The following MED25 variants were observed in gnomAD, a reference collection of about 807,000 sequenced individuals.
MED25 encodes mediator of RNA polymerase II transcription subunit 25.
MED25 carries 62 observed loss-of-function variants against 89.4 expected under a neutral mutation model. The observed-to-expected ratio is 0.69, with a 90% confidence interval of 0.57 to 0.86. MED25 has a LOEUF of 0.86. Ranked by LOEUF, MED25 falls within the 40% of genes least tolerant of loss-of-function variation. The probability of loss-of-function intolerance (pLI) is 0.00; values close to 1 mark genes in which losing one functional copy is unlikely to be tolerated. For synonymous variants in MED25, 449 were observed against 427.9 expected (o/e 1.05, Z -0.61); for missense variants, 905 against 1,005.2 (o/e 0.90, Z 1.35).
At chr19:49,819,702 TC>T (rs1409100467) in intron 3 of MED25, 4 of 341,656 alleles carry the variant, frequency 1.2e-5, no homozygotes, top group Admixed American at 4.2e-5. Flanking sequence ...TGTGTGATTG[TC>T]CCCTTTCTGT....
chr19:49,831,831 C>T lies in MED25; in HGVS notation c.1231-105C>T. 1 of 1,079,876 alleles carries T rather than the reference C, an allele frequency of 9.3e-7. No individual in the cohort carries two copies. The allele number at this position is 1,079,876 out of a possible 1,614,324, so 66.9% of individuals were successfully genotyped here. A position where few individuals can be genotyped will look rare whatever the true frequency, so the allele number is the denominator to read the frequency against. Reference sequence around the variant, plus strand: ...GGGCCTGGGGCTCATGGGACTTAAACTGGGGAACATCCTGAGCTTTGGGGC... The same window carrying T: ...GGGCCTGGGGCTCATGGGACTTAAATTGGGGAACATCCTGAGCTTTGGGGC... On this transcript the variant is annotated intron_variant, in intron 10 of 17. Transcript: ENST00000312865. This position sits in a 1 kb window ranked among gnomAD's most constrained non-coding sequence, Gnocchi z 5.0.
chr19:49,837,274 G>GT, downstream of MED25, among the ~76,000 whole-genome samples: 1 of 152,278 alleles, frequency 6.6e-6, no homozygotes. Flanking sequence ...AGAATCAGCC[G>GT]TCAGGCTGGG....
chr19:49,820,195 C>T (rs1016462463), intron 3 of MED25, among the ~76,000 whole-genome samples: 9 of 152,100 alleles, frequency 5.9e-5, no homozygotes, highest in Admixed American at 2.0e-4. Context: ...TGAGTGCACT[C>T]AGGCCCAAGC....
intron 13 of MED25, chr19:49,832,953 T>C: frequency 5.1e-6 from 1 of 196,610 alleles, no homozygotes; most frequent in South Asian, 8.7e-5. Flanking sequence ...CCACATGGCA[T>C]TCTCTCTGTA....
At chr19:49,818,886 C>T in intron 2 of MED25, 1 of 577,674 alleles carries the variant, frequency 1.7e-6, no homozygotes, top group Non-Finnish European at 3.0e-6. Flanking sequence ...GGCTGGGCGT[C>T]TGGACTGCTG....
Position 49,834,418 on chromosome 19 carries a change from TGAC to T in MED25, c.1483-567_1483-565del, listed in dbSNP as rs2074080822. ...AATGCTCCATGTGTTACCCCCCTGA[TGAC>T]CAGTGATGTTTCCTGGGTGCTTCCT... On this transcript the variant is annotated intron_variant, in intron 13 of 17. Transcript: ENST00000312865. This position sits in a 1 kb window ranked among gnomAD's most constrained non-coding sequence, Gnocchi z 4.1. 5.9e-6 allele frequency: 1 copy of T among 170,240 alleles called. No individual in the cohort carries two copies. Among genetic ancestry groups the T allele is most frequent in the Non-Finnish European group, 1.3e-5 (1 of 77,016 alleles). The allele number at this position is 170,240 out of a possible 1,614,324, so 10.5% of individuals were successfully genotyped here.
chr19:49,836,247 C>T lies in MED25; in HGVS notation c.1987C>T (p.Pro663Ser), dbSNP rs1423877702. Residue 663 changes from proline to serine, a missense_variant, in exon 17 of 18, where the codon CCC (proline) becomes TCC (serine). By Grantham distance (74) the Pro-to-Ser change is moderately conservative. This residue lies in a region of MED25 where 271 missense variants were observed against 258.1 expected (regional missense o/e 1.05). Coordinates refer to ENST00000312865, the MANE Select transcript of MED25 (RefSeq NM_030973.4). This position sits in a 1 kb window ranked among gnomAD's most constrained non-coding sequence, Gnocchi z 5.1. ...PPPPQTGVPPPQASLHHLQPP... is the reference protein window; with the variant it reads ...PPPPQTGVPPSQASLHHLQPP... The stretch of plus-strand genomic sequence containing the variant: ...CCAGCCGCAGACTGGGGTGCCCCCA[C>T]CCCAGGCCTCCCTCCACCACCTCCA... 7.4e-6 allele frequency: 12 copies of T among 1,612,262 alleles called. No homozygotes were observed. The highest frequency in any genetic ancestry group is 1.0e-5 in the Non-Finnish European group (12 of 1,179,856).
chr19:49,830,639 G>A lies in MED25; in HGVS notation c.907+41G>A. 6.2e-7 allele frequency: 1 copy of A among 1,612,604 alleles called. No homozygotes were observed. Among genetic ancestry groups the A allele is most frequent in the Non-Finnish European group, 8.5e-7 (1 of 1,178,596 alleles). Reference sequence around the variant, plus strand: ...AGGATGAAGGGCGGGCAGGGGCCAGGCAGGCCTCTCTCCACACACTTGTTC... The same window carrying A: ...AGGATGAAGGGCGGGCAGGGGCCAGACAGGCCTCTCTCCACACACTTGTTC... On this transcript the variant is annotated intron_variant, in intron 8 of 17. Transcript: ENST00000312865. The surrounding 1 kb of genome is among the most constrained non-coding windows in gnomAD (Gnocchi z 4.6).
At position 49,829,910 on chromosome 19, in the gene MED25, C is replaced by T. The variant is rs780195704; in HGVS notation, c.650C>T (p.Pro217Leu). 1.4e-5 allele frequency: 22 copies of T among 1,613,288 alleles called. No individual in the cohort carries two copies. The highest frequency in any genetic ancestry group is 2.2e-5 in the East Asian group (1 of 44,878). The change falls in exon 6 of 18, where the codon CCG becomes CTG. Residue 217 changes from proline to leucine, a missense_variant. Physicochemically the swap from Pro to Leu is moderately conservative, Grantham distance 98. Transcript: ENST00000312865. This position sits in a 1 kb window ranked among gnomAD's most constrained non-coding sequence, Gnocchi z 4.6. ...CCTCCGACAGATGTGAGCCAGGACCCGAGGCACATGGTGCTGGTTCGGGGA... is the reference window on the plus strand; with the variant it reads ...CCTCCGACAGATGTGAGCCAGGACCTGAGGCACATGGTGCTGGTTCGGGGA... ...LQPPTDVSQDPRHMVLVRGLV... is the reference protein window; with the variant it reads ...LQPPTDVSQDLRHMVLVRGLV...
At chr19:49,832,851 G>A (rs890994573) in intron 13 of MED25, 4 of 276,208 alleles carry the variant, frequency 1.4e-5, no homozygotes, top group African/African-American at 8.8e-5. Flanking sequence ...AGGCCTCTTC[G>A]TTGCCTCTTC....
In MED25 at chr19:49,835,239, C is replaced by T. The variant is rs2074087068; in HGVS notation, c.1674+62C>T. On this transcript the variant is annotated intron_variant, in intron 14 of 17. Transcript: ENST00000312865. The surrounding 1 kb of genome is among the most constrained non-coding windows in gnomAD (Gnocchi z 6.2). ...CCCTCCTGCCCGGGCCCCACATGGCCCCCTGGGGTCTCCAGGACCAAGATG... is the reference window on the plus strand; with the variant it reads ...CCCTCCTGCCCGGGCCCCACATGGCTCCCTGGGGTCTCCAGGACCAAGATG... The T allele has an allele frequency of 7.0e-6, 11 of 1,563,532 alleles. No homozygotes were observed. The highest frequency in any genetic ancestry group is 9.7e-6 in the Non-Finnish European group (11 of 1,134,826).
Position 49,819,239 on chromosome 19 carries a change from A to G in MED25, c.248A>G (p.Gln83Arg), listed in dbSNP as rs2073964192. Residue 83 changes from glutamine (Q) to arginine (R), a missense_variant, in exon 3 of 18, where the codon CAA becomes CGA. Gln to Arg is a conservative substitution (Grantham distance 43). Transcript: ENST00000312865. ...GACTGCGCTCCCGAGTCCTACGTAC[A>G]ATGTCACGCTCCCACCAGCAGCGCC... is the stretch of plus-strand genomic sequence containing the variant. ...TVDCAPESYVQCHAPTSSAYE... is the reference protein window; with the variant it reads ...TVDCAPESYVRCHAPTSSAYE... 1 of 1,614,228 alleles carries G rather than the reference A, an allele frequency of 6.2e-7. No individual in the cohort carries two copies.
Position 49,835,736 on chromosome 19 carries a change from C to G in MED25, c.1756C>G (p.Arg586Gly), listed in dbSNP as rs752175666. ...ARPSQNLLQL[R>G]PPQPQPQGTV... ...TGTCTCTTCCCACCAGCTCCAGCTC[C>G]GCCCACCGCAGCCCCAGCCTCAGGG... Residue 586 changes from arginine to glycine, a missense_variant, in exon 16 of 18, where the codon CGC becomes GGC. Arg to Gly is a moderately radical substitution (Grantham distance 125). This residue lies in a region of MED25 where 271 missense variants were observed against 258.1 expected (regional missense o/e 1.05). Coordinates refer to ENST00000312865, the MANE Select transcript of MED25 (RefSeq NM_030973.4). The surrounding 1 kb of genome is among the most constrained non-coding windows in gnomAD (Gnocchi z 6.2). The G allele has an allele frequency of 3.7e-6, 6 of 1,610,022 alleles. No homozygotes were observed. The highest frequency in any genetic ancestry group is 5.1e-6 in the Non-Finnish European group (6 of 1,178,736).
chr19:49,821,344 C>G (rs1361677419), intron 3 of MED25, among the ~76,000 whole-genome samples: 1 of 152,192 alleles, frequency 6.6e-6, no homozygotes, highest in African/African-American at 2.4e-5. Flanking sequence ...TGCAGTGGCT[C>G]AGTCACGGCT....
chr19:49,819,036 T>C, intron 2 of MED25, 136 bp from the exon 3 acceptor site: 1 of 1,108,558 alleles, frequency 9.0e-7, no homozygotes. Flanking sequence ...GGGGCCGAGA[T>C]TGCTGGGTCT....
intron 3 of MED25, among the ~76,000 whole-genome samples, chr19:49,822,640 C>CTTTTTTTTTT (rs536060694): frequency 7.3e-5 from 5 of 68,278 alleles, no homozygotes; most frequent in Non-Finnish European, 9.9e-5. Context: ...CTGTTACATT[C>CTTTTTTTTTT]TTTTTTTTTT....
chr19:49,818,813 G>T lies in MED25; in HGVS notation c.180+197G>T. 3 of 618,200 alleles carry T rather than the reference G, an allele frequency of 4.9e-6. No individual in the cohort carries two copies. In the South Asian group the frequency reaches 5.7e-5, roughly 12 times the overall value. 38.3% of individuals were successfully genotyped at this position (618,200 alleles called of 1,614,324 possible). A position where few individuals can be genotyped will look rare whatever the true frequency, so the allele number is the denominator to read the frequency against. ...TCTGAGGGTGGAGGCGCTGGGGCCC[G>T]GATTCCTGGGTCCGAGGGAGGAGGG... On this transcript the variant is annotated intron_variant, in intron 2 of 17. Coordinates refer to ENST00000312865, the MANE Select transcript of MED25 (RefSeq NM_030973.4).
chr19:49,826,265 C>T lies in MED25; in HGVS notation c.306-2184C>T, dbSNP rs1006218880. Among the ~76,000 whole-genome samples the T allele has an allele frequency of 3.9e-5, 6 of 152,190 alleles. No individual in the cohort carries two copies. In the East Asian group the frequency reaches 5.8e-4, roughly 15 times the overall value. On this transcript the variant is annotated intron_variant, in intron 3 of 17. Transcript: ENST00000312865. ...CTGAGGCAGGAGAATGGCGTGAATC[C>T]GGGAGGCGGAGCTTGCAGTGAGCGG...
chr19:49,828,327 C>G, intron 3 of MED25, 122 bp from the exon 4 acceptor site: 1 of 739,312 alleles, frequency 1.4e-6, no homozygotes, highest in Non-Finnish European at 2.5e-6. Context: ...AGCAGGGTCC[C>G]CGTCATCCCA....
Sources: allele counts gnomAD v4.1 joint callset (sites outside exome capture counted in the v4.1 genomes callset), GRCh38; gene constraint gnomAD v4.1.1; regional missense constraint gnomAD v4.1.1; non-coding constraint Gnocchi (gnomAD v3.1); transcripts MANE v1.5; gene names NCBI Gene and HGNC (gene_info 2026-07-23, HGNC 2026-07-21).